Variants in LRMDA observed in about 807,000 individuals in gnomAD.
The protein encoded by LRMDA is leucine rich melanocyte differentiation associated.
In LRMDA, 18 loss-of-function variants were observed where a neutral mutation model predicts 29.8. The ratio of observed to expected loss-of-function variants is 0.60; its 90% CI spans 0.42 to 0.90. LRMDA has a LOEUF of 0.90. LRMDA is among the 40% of genes least tolerant of loss of function. The pLI is 0.00. For missense variants in LRMDA, 273 were observed against 273.9 expected, an observed-to-expected ratio of 1.00 and a Z score of 0.02; for synonymous variants, 125 against 109.4, an observed-to-expected ratio of 1.14 and a Z score of -0.89.
chr10:76,033,045 A>G (rs1212380073), intron 2 of LRMDA, among the ~76,000 whole-genome samples: 4 of 152,124 alleles, frequency 2.6e-5, no homozygotes, highest in African/African-American at 9.7e-5. Context: ...TCCCTAGAAA[A>G]CAGCAGTAAA....
chr10:76,134,255 T>G (rs1850053244), intron 5 of LRMDA, among the ~76,000 whole-genome samples: 1 of 152,180 alleles, frequency 6.6e-6, no homozygotes, highest in South Asian at 2.1e-4. Flanking sequence ...GGCCAGCTTT[T>G]GGGAAATTGG....
At chr10:75,478,627 T>G (rs1303938472) in intron 2 of LRMDA, among the ~76,000 whole-genome samples, 1 of 152,228 alleles carries the variant, frequency 6.6e-6, no homozygotes, top group Admixed American at 6.5e-5. Flanking sequence ...GGCATTCACA[T>G]ACACCTCAGG....
intron 6 of LRMDA, among the ~76,000 whole-genome samples, chr10:76,513,402 A>T (rs2637247): frequency 6.6e-6 from 1 of 151,820 alleles, no homozygotes. Context: ...CCCACCACTC[A>T]CTTTTATTTA....
intron 2 of LRMDA, among the ~76,000 whole-genome samples, chr10:75,898,550 G>A (rs1845621015): frequency 6.6e-6 from 1 of 152,110 alleles, no homozygotes. Context: ...GGAAAGCAGG[G>A]AGAGGAGAGG....
rs546400590 is a variant in LRMDA, at chr10:76,138,181, G to A, written c.516+79398G>A. Among the ~76,000 whole-genome samples, 435 of 152,272 alleles carry A rather than the reference G, an allele frequency of 2.9e-3. 1 individual carries two copies. Among genetic ancestry groups the A allele is most frequent in the Middle Eastern group, 0.014 (4 of 294 alleles). ...TTACAGACCAATTAGGATGGCATTTGTTTTCATTCTGCAGCAACTTTTTCC... is the reference window on the plus strand; with the variant it reads ...TTACAGACCAATTAGGATGGCATTTATTTTCATTCTGCAGCAACTTTTTCC... On this transcript the variant is annotated intron_variant, in intron 5 of 6. Coordinates refer to ENST00000611255, the MANE Select transcript of LRMDA (RefSeq NM_001305581.2).
intron 2 of LRMDA, among the ~76,000 whole-genome samples, chr10:75,793,368 G>A (rs1178261120): frequency 2.0e-5 from 3 of 152,174 alleles, no homozygotes; most frequent in South Asian, 2.1e-4. Context: ...GAGGGGAGCC[G>A]AAGGGAAGGG....
chr10:75,791,856 C>CTTTTTTT (rs5786188), intron 2 of LRMDA, among the ~76,000 whole-genome samples: 1 of 102,074 alleles, frequency 9.8e-6, no homozygotes. Flanking sequence ...ATTCCAGGAT[C>CTTTTTTT]TTTTTTTTTT....
chr10:75,560,565 A>T (rs970310753), intron 2 of LRMDA, among the ~76,000 whole-genome samples: 3 of 151,730 alleles, frequency 2.0e-5, no homozygotes, highest in African/African-American at 7.3e-5. Context: ...AACTTCCAAC[A>T]CTATGTTGAA....
rs569353154 is a variant in LRMDA, at chr10:75,831,106, C to T, written c.132-204902C>T. On this transcript the variant is annotated intron_variant, in intron 2 of 6. Coordinates refer to ENST00000611255, the MANE Select transcript of LRMDA (RefSeq NM_001305581.2). ...TGTCGCCTAGGCTGGAGTGCAGTGG[C>T]GTGATCTCGGCTCACTGCAAGCTCC... 1.4e-3 allele frequency among the ~76,000 whole-genome samples: 216 copies of T among 151,674 alleles called. 4 individuals are homozygous for T. Among genetic ancestry groups the T allele is most frequent in the Non-Finnish European group, 2.8e-4 (19 of 67,930 alleles).
chr10:76,423,812 A>C (rs1842094648), intron 6 of LRMDA, among the ~76,000 whole-genome samples: 3 of 152,084 alleles, frequency 2.0e-5, no homozygotes, highest in Admixed American at 2.0e-4. Context: ...TCAACCGAGG[A>C]GGTGTTTGTT....
intron 2 of LRMDA, among the ~76,000 whole-genome samples, chr10:75,482,931 ACCTTTCCTTT>A (rs546277448): frequency 6.6e-6 from 1 of 151,510 alleles, no homozygotes. Flanking sequence ...AGCTTAGTTA[ACCTTTCCTTT>A]CCTTTCCTTC....
chr10:75,877,848 T>G (rs1329153746), intron 2 of LRMDA, among the ~76,000 whole-genome samples: 1 of 152,166 alleles, frequency 6.6e-6, no homozygotes. Context: ...GTTTTCTCAC[T>G]CTATCCTTAG....
At chr10:75,782,881 G>A (rs1327630342) in intron 2 of LRMDA, 1 of 1,595,334 alleles carries the variant, frequency 6.3e-7, no homozygotes, top group Non-Finnish European at 8.5e-7. Flanking sequence ...AAGCCGTGGA[G>A]TACCTGCTGT....
chr10:75,654,298 C>T (rs982919948), intron 2 of LRMDA, among the ~76,000 whole-genome samples: 2 of 152,170 alleles, frequency 1.3e-5, no homozygotes, highest in Non-Finnish European at 2.9e-5. Context: ...GGAGACATTA[C>T]ATCTTTACAA....
intron 5 of LRMDA, among the ~76,000 whole-genome samples, chr10:76,069,610 T>C (rs1177233881): frequency 6.6e-6 from 1 of 152,162 alleles, no homozygotes; most frequent in African/African-American, 2.4e-5. Context: ...TCTTTTTTTT[T>C]TTTTTCTTTT....
At chr10:75,608,490 A>G (rs1840987412) in intron 2 of LRMDA, among the ~76,000 whole-genome samples, 1 of 152,108 alleles carries the variant, frequency 6.6e-6, no homozygotes, top group East Asian at 1.9e-4. Context: ...AAGTGTTCCC[A>G]CCACACACAA....
chr10:76,523,866 G>A (rs1843147125), intron 6 of LRMDA, among the ~76,000 whole-genome samples: 1 of 152,188 alleles, frequency 6.6e-6, no homozygotes, highest in Non-Finnish European at 1.5e-5. Flanking sequence ...GCCAGGCCCA[G>A]GGAACTTATT....
At chr10:75,791,160 T>C (rs950541811) in intron 2 of LRMDA, among the ~76,000 whole-genome samples, 1 of 152,146 alleles carries the variant, frequency 6.6e-6, no homozygotes, top group Admixed American at 6.5e-5. Context: ...GTTCTAATTA[T>C]GTAGTAGTAA....
intron 5 of LRMDA, among the ~76,000 whole-genome samples, chr10:76,321,710 C>T (rs768898719): frequency 3.3e-5 from 5 of 152,066 alleles, no homozygotes; most frequent in African/African-American, 1.2e-4. Context: ...TTTTGGAGGT[C>T]GAGGCAGGTG....
Sources: gnomAD v4.1 joint callset for allele counts (sites outside exome capture counted in the v4.1 genomes callset) on GRCh38, gnomAD v4.1.1 for gene constraint, MANE v1.5 for transcripts, NCBI Gene and HGNC (gene_info 2026-07-23, HGNC 2026-07-21) for gene names.